RAP1A: variants seen among roughly 807,000 people sequenced by gnomAD.
RAP1A encodes RAP1A, member of RAS oncogene family.
In RAP1A, 6 loss-of-function variants were observed where a neutral mutation model predicts 26.4. The observed-to-expected ratio is 0.23, with a 90% confidence interval of 0.12 to 0.45. The LOEUF is 0.45. Among genes scored for constraint, RAP1A ranks in the 20% least tolerant of loss-of-function variants. The pLI is 0.99. For synonymous variants in RAP1A, 73 were observed against 79.4 expected, an observed-to-expected ratio of 0.92 and a Z score of 0.43; for missense variants, 121 against 217.2, an observed-to-expected ratio of 0.56 and a Z score of 2.78.
intron 1 of RAP1A, among the ~76,000 whole-genome samples, chr1:111,564,303 G>T (rs533250158): frequency 7.2e-4 from 110 of 152,174 alleles, no homozygotes; most frequent in African/African-American, 2.4e-3. Context: ...TAACATTCCT[G>T]CTGTCAATAA....
intron 1 of RAP1A, among the ~76,000 whole-genome samples, chr1:111,653,978 G>T (rs1660368915): frequency 6.6e-6 from 1 of 152,158 alleles, no homozygotes; most frequent in South Asian, 2.1e-4. Context: ...GATGTAAGTG[G>T]AAGAAAAGAC....
chr1:111,619,766 G>T, upstream of RAP1A: 1 of 396,236 alleles, frequency 2.5e-6, no homozygotes, highest in Non-Finnish European at 4.5e-6. Context: ...TGGTGCGTGC[G>T]TGCGCGTTCT....
At chr1:111,650,878 T>C (rs545524881) in intron 1 of RAP1A, among the ~76,000 whole-genome samples, 2 of 152,192 alleles carry the variant, frequency 1.3e-5, no homozygotes, top group South Asian at 4.2e-4. Flanking sequence ...AACGGCTCAC[T>C]GCAACCTCCG....
intron 6 of RAP1A, among the ~76,000 whole-genome samples, chr1:111,708,506 G>A (rs1028137243): frequency 6.6e-6 from 1 of 152,198 alleles, no homozygotes; most frequent in East Asian, 1.9e-4. Context: ...AAAGTGAGAG[G>A]AAATAAACTG....
Position 111,683,119 on chromosome 1 carries a change from A to G in RAP1A, c.-27-8215A>G, listed in dbSNP as rs574544694. ...GAAATAAATAAGTTCTTTGAAATCA[A>G]TGAGAACAAAGACACAACGTACCAG... On this transcript the variant is annotated intron_variant, in intron 1 of 7. Transcript: ENST00000369709. 5.9e-5 allele frequency among the ~76,000 whole-genome samples: 9 copies of G among 152,340 alleles called. No individual in the cohort carries two copies. In the South Asian group the frequency reaches 1.4e-3, roughly 25 times the overall value.
At chr1:111,679,148 C>T (rs377359591) in intron 1 of RAP1A, among the ~76,000 whole-genome samples, 108 of 152,246 alleles carry the variant, frequency 7.1e-4, no homozygotes, top group African/African-American at 2.3e-3. Context: ...GAGAGACCAA[C>T]GCAGAAGGCA....
At chr1:111,641,954 G>C (rs772288694) in intron 1 of RAP1A, among the ~76,000 whole-genome samples, 4 of 152,078 alleles carry the variant, frequency 2.6e-5, no homozygotes, top group Admixed American at 2.0e-4. Context: ...CTATAAAATG[G>C]GGACAGTAGG....
In RAP1A at chr1:111,583,880, T is replaced by C. The variant is rs1034123636; in HGVS notation, c.-28+41371T>C. Among the ~76,000 whole-genome samples the C allele has an allele frequency of 5.1e-4, 72 of 142,018 alleles. 1 individual carries two copies. Among genetic ancestry groups the C allele is most frequent in the African/African-American group, 8.5e-4 (33 of 38,820 alleles). 93.2% of individuals were successfully genotyped at this position (142,018 alleles called of 152,430 possible). Reference sequence around the variant, plus strand: ...CTGTCTATACAATTGTTATTTCTTTTTTTTTTTTTTTTTTTTTTGAGACAG... The same window carrying C: ...CTGTCTATACAATTGTTATTTCTTTCTTTTTTTTTTTTTTTTTTGAGACAG... On this transcript the variant is annotated intron_variant, in intron 1 of 7. Coordinates refer to the RAP1A transcript ENST00000356415.
At chr1:111,625,969 C>A (rs1008176054) in intron 1 of RAP1A, among the ~76,000 whole-genome samples, 1 of 152,054 alleles carries the variant, frequency 6.6e-6, no homozygotes, top group African/African-American at 2.4e-5. Flanking sequence ...ATTTCAGATT[C>A]AGTCATTGAA....
chr1:111,684,462 C>A (rs556456961), intron 1 of RAP1A, among the ~76,000 whole-genome samples: 10 of 152,294 alleles, frequency 6.6e-5, no homozygotes, highest in African/African-American at 1.9e-4. Context: ...GATACAAAAT[C>A]AATGTGCAAA....
chr1:111,607,426 C>G (rs61788234), intron 1 of RAP1A, among the ~76,000 whole-genome samples: 22,396 of 152,176 alleles, frequency 0.15, 1,753 homozygotes, highest in African/African-American at 0.2. Flanking sequence ...TACACAGACA[C>G]GGCAACCATC....
chr1:111,557,239 A>G (rs1359755428), intron 1 of RAP1A, among the ~76,000 whole-genome samples: 4 of 152,202 alleles, frequency 2.6e-5, no homozygotes, highest in Non-Finnish European at 5.9e-5. Context: ...TTACCTAAAA[A>G]TGTATATATT....
chr1:111,624,480 A>G (rs184057633), intron 1 of RAP1A, among the ~76,000 whole-genome samples: 155 of 152,354 alleles, frequency 1.0e-3, no homozygotes, highest in Admixed American at 2.0e-3. Flanking sequence ...AGTCTCCTGC[A>G]CACAGTTGTG....
At chr1:111,691,464 A>G (rs778362438) in intron 2 of RAP1A, 47 bp downstream of exon 2, 1 of 1,520,652 alleles carries the variant, frequency 6.6e-7, no homozygotes, top group Admixed American at 1.7e-5. Flanking sequence ...TACAAGAAGA[A>G]TTTTGACATT....
intron 1 of RAP1A, among the ~76,000 whole-genome samples, chr1:111,589,254 G>A (rs1658429843): frequency 1.3e-5 from 2 of 152,080 alleles, no homozygotes; most frequent in Non-Finnish European, 1.5e-5. Context: ...GGCAATTCAG[G>A]TTTTCTTACC....
At chr1:111,603,821 T>A (rs1320074498) in intron 1 of RAP1A, among the ~76,000 whole-genome samples, 2 of 152,138 alleles carry the variant, frequency 1.3e-5, no homozygotes, top group African/African-American at 2.4e-5. Flanking sequence ...ACAAAAAAAA[T>A]TTGCAGGATT....
intron 1 of RAP1A, among the ~76,000 whole-genome samples, chr1:111,567,666 G>C (rs1043424685): frequency 2.0e-5 from 3 of 152,154 alleles, no homozygotes; most frequent in Admixed American, 6.5e-5. Context: ...AAGAGGAAGA[G>C]ACACCAGAGA....
intron 1 of RAP1A, among the ~76,000 whole-genome samples, chr1:111,620,442 G>A (rs913767524): frequency 6.6e-6 from 1 of 152,200 alleles, no homozygotes; most frequent in African/African-American, 2.4e-5. Context: ...CGCGGGGGCG[G>A]GGGGGAGGGA....
At chr1:111,550,702 C>T (rs539753709) in intron 1 of RAP1A, among the ~76,000 whole-genome samples, 1 of 152,330 alleles carries the variant, frequency 6.6e-6, no homozygotes, top group Non-Finnish European at 1.5e-5. Flanking sequence ...CACTATGTTG[C>T]CCAGCAGGCC....
Sources: allele counts gnomAD v4.1 joint callset (sites outside exome capture counted in the v4.1 genomes callset), GRCh38; gene constraint gnomAD v4.1.1; transcripts MANE v1.5; gene names NCBI Gene and HGNC (gene_info 2026-07-23, HGNC 2026-07-21).